Variants in SLC10A7 observed in about 807,000 individuals in gnomAD.
SLC10A7 encodes the protein solute carrier family 10 member 7.
In SLC10A7, 29 loss-of-function variants were observed where a neutral mutation model predicts 43.2. The observed-to-expected ratio is 0.67, with a 90% confidence interval of 0.50 to 0.92. The LOEUF (loss-of-function observed/expected upper bound fraction) is 0.92. SLC10A7 is among the 40% of genes least tolerant of loss of function. The pLI, the probability that SLC10A7 is intolerant of heterozygous loss-of-function variation, is 0.00. For missense variants in SLC10A7, 295 were observed against 403.2 expected (o/e 0.73, Z 2.30); for synonymous variants, 152 against 144.8 (o/e 1.05, Z -0.35).
chr4:146,294,311 A>G (rs1344856362), intron 7 of SLC10A7, among the ~76,000 whole-genome samples: 1 of 152,228 alleles, frequency 6.6e-6, no homozygotes, highest in African/African-American at 2.4e-5. Context: ...TAATGAGAGT[A>G]TATTTTCAAC....
chr4:146,256,899 T>C lies in SLC10A7; in HGVS notation c.994-379A>G, dbSNP rs540419338. ...TAGATATTCCAAGCCTTCTGGATTA[T>C]TCAAGTTAGCCAGTGGCCCCCTGGT... On this transcript the variant is annotated intron_variant, in intron 11 of 11. Coordinates refer to ENST00000335472, the MANE Select transcript of SLC10A7 (RefSeq NM_001029998.6). The C allele has an allele frequency of 1.0e-4, 157 of 1,536,412 alleles. 2 individuals carry two copies. The South Asian group carries it at 1.7e-3, about 17-fold the overall frequency.
At chr4:146,373,736 C>G (rs1020818006) in intron 5 of SLC10A7, among the ~76,000 whole-genome samples, 1 of 152,150 alleles carries the variant, frequency 6.6e-6, no homozygotes, top group South Asian at 2.1e-4. Flanking sequence ...CTTTCATCCA[C>G]CAGAATCTTA....
At chr4:146,316,719 A>G (rs1041160276) in intron 6 of SLC10A7, among the ~76,000 whole-genome samples, 1 of 152,096 alleles carries the variant, frequency 6.6e-6, no homozygotes, top group Non-Finnish European at 1.5e-5. Flanking sequence ...GGACTCAATT[A>G]CACACAAGAT....
At chr4:146,293,477 A>G (rs9996311) in intron 8 of SLC10A7, among the ~76,000 whole-genome samples, 18,683 of 152,150 alleles carry the variant, frequency 0.12, 1,175 homozygotes, top group South Asian at 0.15. Flanking sequence ...TTTTGGGTAA[A>G]TTTTATTAGA....
At chr4:146,379,341 A>G (rs1737437624) in intron 5 of SLC10A7, among the ~76,000 whole-genome samples, 1 of 152,184 alleles carries the variant, frequency 6.6e-6, no homozygotes, top group Non-Finnish European at 1.5e-5. Context: ...TCTTTGTTTA[A>G]TTGATGAATA....
At chr4:146,519,395 C>T (rs994169756) in intron 1 of SLC10A7, among the ~76,000 whole-genome samples, 1 of 148,418 alleles carries the variant, frequency 6.7e-6, no homozygotes, top group Non-Finnish European at 1.5e-5. Flanking sequence ...TGTAGTACAA[C>T]AATGAATAAA....
intron 4 of SLC10A7, among the ~76,000 whole-genome samples, chr4:146,455,889 G>A (rs1732001121): frequency 6.6e-6 from 1 of 151,764 alleles, no homozygotes; most frequent in Non-Finnish European, 1.5e-5. Context: ...TTTTTCTAAT[G>A]TTAGGTCCCC....
chr4:146,417,134 T>C (rs566605371), intron 5 of SLC10A7, among the ~76,000 whole-genome samples: 196 of 152,346 alleles, frequency 1.3e-3, no homozygotes, highest in African/African-American at 4.4e-3. Flanking sequence ...ATCTGTTTTA[T>C]ACATTTTCAT....
At chr4:146,283,037 A>T (rs1279062540) in intron 10 of SLC10A7, among the ~76,000 whole-genome samples, 155 bp downstream of exon 10, 1 of 152,172 alleles carries the variant, frequency 6.6e-6, no homozygotes, top group Non-Finnish European at 1.5e-5. Flanking sequence ...CAGAATTTCA[A>T]AGCAATGACC....
intron 5 of SLC10A7, among the ~76,000 whole-genome samples, chr4:146,362,710 T>C (rs1211659082): frequency 6.6e-6 from 1 of 151,956 alleles, no homozygotes; most frequent in African/African-American, 2.4e-5. Flanking sequence ...AAAGTCAAAA[T>C]GTGAAATGAA....
chr4:146,311,454 A>G (rs1268757854), intron 6 of SLC10A7, among the ~76,000 whole-genome samples: 1 of 152,120 alleles, frequency 6.6e-6, no homozygotes, highest in African/African-American at 2.4e-5. Context: ...TCGGCCTTTT[A>G]TCTCCTATCA....
intron 3 of SLC10A7, among the ~76,000 whole-genome samples, chr4:146,505,153 G>A (rs931344034): frequency 5.3e-5 from 8 of 152,122 alleles, no homozygotes; most frequent in African/African-American, 1.7e-4. Context: ...TTTGAAATGT[G>A]AGGGCCCCAC....
At chr4:146,376,232 T>A (rs1737187363) in intron 5 of SLC10A7, among the ~76,000 whole-genome samples, 1 of 152,070 alleles carries the variant, frequency 6.6e-6, no homozygotes, top group African/African-American at 2.4e-5. Context: ...CAAAAGATGT[T>A]CCTATCACCC....
In SLC10A7 at chr4:146,384,602, T is replaced by G. The variant is rs541843634; in HGVS notation, c.435+58181A>C. ...TCAGGTTTCATAAAAAAGCACACTATGTATATATAGGGATTTGGACAATAT... is the reference window on the plus strand; with the variant it reads ...TCAGGTTTCATAAAAAAGCACACTAGGTATATATAGGGATTTGGACAATAT... On this transcript the variant is annotated intron_variant, in intron 5 of 11. Coordinates refer to ENST00000335472, the MANE Select transcript of SLC10A7 (RefSeq NM_001029998.6). Among the ~76,000 whole-genome samples, 18 of 152,218 alleles carry G rather than the reference T, an allele frequency of 1.2e-4. No individual in the cohort carries two copies. In the South Asian group the frequency reaches 2.7e-3, roughly 23 times the overall value.
chr4:146,494,222 A>T (rs1249232453), intron 4 of SLC10A7, among the ~76,000 whole-genome samples: 1 of 152,250 alleles, frequency 6.6e-6, no homozygotes, highest in African/African-American at 2.4e-5. Context: ...AAAGCCAGCA[A>T]GGTCCAGGGC....
At chr4:146,414,540 A>C (rs1728434979) in intron 5 of SLC10A7, among the ~76,000 whole-genome samples, 1 of 152,082 alleles carries the variant, frequency 6.6e-6, no homozygotes, top group African/African-American at 2.4e-5. Flanking sequence ...CCTGGCCAAC[A>C]TGGTGAAACC....
intron 3 of SLC10A7, 101 bp downstream of exon 3, chr4:146,509,812 T>C: frequency 2.9e-6 from 3 of 1,031,772 alleles, no homozygotes; most frequent in South Asian, 2.4e-5. Flanking sequence ...CCTTTTAAGA[T>C]GGTACACATA....
intron 5 of SLC10A7, among the ~76,000 whole-genome samples, chr4:146,414,034 G>A (rs1728385956): frequency 6.6e-6 from 1 of 152,134 alleles, no homozygotes; most frequent in Non-Finnish European, 1.5e-5. Flanking sequence ...AGAAAGACAT[G>A]AAAGAGGAGG....
intron 6 of SLC10A7, among the ~76,000 whole-genome samples, chr4:146,312,497 A>G (rs997194085): frequency 4.6e-5 from 7 of 152,150 alleles, no homozygotes; most frequent in African/African-American, 1.7e-4. Context: ...ATTATTAACT[A>G]TAGTAGCGAT....
Sources: gnomAD v4.1 joint callset for allele counts (sites outside exome capture counted in the v4.1 genomes callset) on GRCh38, gnomAD v4.1.1 for gene constraint, MANE v1.5 for transcripts, NCBI Gene and HGNC (gene_info 2026-07-23, HGNC 2026-07-21) for gene names.